The following NAALAD2 variants were observed in gnomAD, a reference collection of about 807,000 sequenced individuals.
NAALAD2 encodes N-acetylated alpha-linked acidic dipeptidase 2.
Under a neutral mutation model 95.6 loss-of-function variants are expected in NAALAD2, and 89 were observed. That is an observed-to-expected ratio of 0.93 (90% CI 0.78 to 1.11). NAALAD2 has a LOEUF of 1.11. Ranked by LOEUF, NAALAD2 falls within the 50% of genes least tolerant of loss-of-function variation. NAALAD2 has a pLI of 0.00. For missense variants in NAALAD2, 894 were observed against 872.4 expected, an observed-to-expected ratio of 1.02 and a Z score of -0.31; for synonymous variants, 264 against 294.4, an observed-to-expected ratio of 0.90 and a Z score of 1.06.
intron 15 of NAALAD2, among the ~76,000 whole-genome samples, chr11:90,177,586 G>GTTTTGTTTTTTTTTTTTTTTTTTTTTTT (rs1952833043): frequency 3.5e-5 from 1 of 28,456 alleles, no homozygotes; most frequent in African/African-American, 1.4e-4. Context: ...TCTTTTTCTT[G>GTTTTGTTTTTTTTTTTTTTTTTTTTTTT]TTTTTTTTTT....
intron 6 of NAALAD2, among the ~76,000 whole-genome samples, chr11:90,156,206 C>G (rs1458356843): frequency 6.6e-6 from 1 of 151,624 alleles, no homozygotes; most frequent in African/African-American, 2.4e-5. Context: ...ATTATCTTTA[C>G]TATTATTTTT....
chr11:90,168,172 C>A (rs963285214), intron 11 of NAALAD2, among the ~76,000 whole-genome samples: 1 of 152,196 alleles, frequency 6.6e-6, no homozygotes, highest in Non-Finnish European at 1.5e-5. Context: ...GAGTAACACT[C>A]ACCGTGAAGG....
At chr11:90,134,431 G>A (rs1328739010), upstream of NAALAD2, 1 of 269,656 alleles carries the variant, frequency 3.7e-6, no homozygotes, top group Non-Finnish European at 7.1e-6. Flanking sequence ...GATGGGCATG[G>A]CAAACAGCAG....
At chr11:90,150,006 CT>C (rs1229476261) in intron 4 of NAALAD2, among the ~76,000 whole-genome samples, 1 of 152,108 alleles carries the variant, frequency 6.6e-6, no homozygotes, top group African/African-American at 2.4e-5. Context: ...AATCCCAGCA[CT>C]TTAGGAGGTT....
intron 16 of NAALAD2, among the ~76,000 whole-genome samples, chr11:90,179,969 A>AT (rs1393966561): frequency 6.6e-6 from 1 of 152,158 alleles, no homozygotes; most frequent in East Asian, 1.9e-4. Context: ...CTTCTGCCTG[A>AT]TGTGTCCCAC....
chr11:90,167,143 C>T (rs1952481555), intron 11 of NAALAD2, among the ~76,000 whole-genome samples: 1 of 152,330 alleles, frequency 6.6e-6, no homozygotes, highest in East Asian at 1.9e-4. Flanking sequence ...CCTTTCTGGG[C>T]TGGCCAAGGC....
chr11:90,142,341 AG>A (rs1430789747), intron 2 of NAALAD2, among the ~76,000 whole-genome samples: 1 of 152,170 alleles, frequency 6.6e-6, no homozygotes, highest in Non-Finnish European at 1.5e-5. Context: ...CTCATTCATT[AG>A]GCATATACAC....
intron 11 of NAALAD2, 169 bp downstream of exon 11, chr11:90,163,786 G>C (rs1952362960): frequency 1.4e-6 from 1 of 717,984 alleles, no homozygotes; most frequent in Non-Finnish European, 2.4e-6. Flanking sequence ...CATCAGTTTG[G>C]CAATAACCTT....
intron 11 of NAALAD2, among the ~76,000 whole-genome samples, chr11:90,166,695 C>A (rs141025654): frequency 6.6e-6 from 1 of 151,842 alleles, no homozygotes; most frequent in Non-Finnish European, 1.5e-5. Flanking sequence ...ATAAGCCAGG[C>A]GCAGTGGTGG....
chr11:90,185,496 C>A (rs968052577), intron 18 of NAALAD2, among the ~76,000 whole-genome samples: 4 of 152,114 alleles, frequency 2.6e-5, no homozygotes, highest in Non-Finnish European at 4.4e-5. Flanking sequence ...CACAGCGAGA[C>A]CCTGTTTCTA....
In NAALAD2 at chr11:90,159,282, G is replaced by A; in HGVS notation, c.934G>A (p.Ala312Thr). The change falls in exon 8 of 19, where the codon GCC becomes ACC. Residue 312 changes from alanine (A) to threonine (T), a missense_variant. Coordinates refer to ENST00000534061, the MANE Select transcript of NAALAD2 (RefSeq NM_005467.4). ...TCCACCAGATAAGAGTTGGAAGGGA[G>A]CCCTTAATGTGAGTTATAGTATCGG... ...IAPPDKSWKG[A>T]LNVSYSIGPG... is the part of the protein sequence containing the mutation. 1.9e-6 allele frequency: 3 copies of A among 1,613,870 alleles called. No homozygotes were observed. The highest frequency in any genetic ancestry group is 2.5e-6 in the Non-Finnish European group (3 of 1,179,880).
Position 90,162,985 on chromosome 11 carries a change from T to A in NAALAD2, c.1026T>A (p.Ile342=). The change falls in exon 9 of 19, where the codon ATT becomes ATA. Residue 342 remains isoleucine, a synonymous_variant. Transcript: ENST00000534061. The part of the protein sequence containing the change: ...VRMHVYNINK[I]TRIYNVVGTI... ...TGCATGTTTATAACATCAATAAAAT[T>A]ACAAGGATTTACAATGTAGTTGGAA... is the stretch of plus-strand genomic sequence containing the variant. 6.4e-7 allele frequency: 1 copy of A among 1,570,234 alleles called. No individual in the cohort carries two copies. Among genetic ancestry groups the A allele is most frequent in the South Asian group, 1.2e-5 (1 of 84,096 alleles).
At chr11:90,138,891 T>A (rs1232456137) in intron 2 of NAALAD2, among the ~76,000 whole-genome samples, 1 of 152,008 alleles carries the variant, frequency 6.6e-6, no homozygotes. Flanking sequence ...TTTCACAGCA[T>A]TTTCTATAAC....
chr11:90,140,421 G>T (rs951040026), intron 2 of NAALAD2, among the ~76,000 whole-genome samples: 1 of 149,590 alleles, frequency 6.7e-6, no homozygotes, highest in Non-Finnish European at 1.5e-5. Flanking sequence ...ACTTTTACAT[G>T]TACTTCATGC....
At position 90,162,991 on chromosome 11, in the gene NAALAD2, G is replaced by C; in HGVS notation, c.1032G>C (p.Arg344Ser). 1 of 1,572,266 alleles carries C rather than the reference G, an allele frequency of 6.4e-7. No individual in the cohort carries two copies. The highest frequency in any genetic ancestry group is 8.7e-7 in the Non-Finnish European group (1 of 1,153,618). ...MHVYNINKIT[R>S]IYNVVGTIRG... ...TTTATAACATCAATAAAATTACAAG[G>C]ATTTACAATGTAGTTGGAACTATCA... is the stretch of plus-strand genomic sequence containing the variant. Residue 344 changes from arginine to serine, a missense_variant, in exon 9 of 19, where the codon AGG (arginine) becomes AGC (serine). Transcript: ENST00000534061.
At chr11:90,170,043 T>C (rs763835050) in intron 12 of NAALAD2, 26 bp from the exon 13 acceptor site, 8 of 1,331,324 alleles carry the variant, frequency 6.0e-6, no homozygotes, top group African/African-American at 2.9e-5. Flanking sequence ...TATGAAATAA[T>C]ACTCTGTGTC....
chr11:90,151,422 G>A (rs180822524), intron 5 of NAALAD2, among the ~76,000 whole-genome samples: 1 of 152,178 alleles, frequency 6.6e-6, no homozygotes, highest in African/African-American at 2.4e-5. Context: ...GACGATGTTT[G>A]TCTCATCTTG....
upstream of NAALAD2, chr11:90,132,168 C>G (rs1372462683): frequency 1.3e-5 from 2 of 152,676 alleles, no homozygotes; most frequent in Non-Finnish European, 2.9e-5. Flanking sequence ...TTCAAGATTG[C>G]AGATGCCGCC....
At chr11:90,151,902 G>T (rs916677682) in intron 5 of NAALAD2, among the ~76,000 whole-genome samples, 2 of 152,146 alleles carry the variant, frequency 1.3e-5, no homozygotes, top group Admixed American at 6.6e-5. Context: ...CAGGGCAGTA[G>T]TTTAAAATTA....
Sources: allele counts gnomAD v4.1 joint callset (sites outside exome capture counted in the v4.1 genomes callset), GRCh38; gene constraint gnomAD v4.1.1; transcripts MANE v1.5; gene names NCBI Gene and HGNC (gene_info 2026-07-23, HGNC 2026-07-21).